LNX1: variants seen among roughly 807,000 people sequenced by gnomAD.
LNX1 encodes the protein E3 ubiquitin-protein ligase LNX.
A neutral mutation model predicts 68.4 loss-of-function variants in LNX1; 54 were observed. The observed-to-expected ratio is 0.79, with a 90% confidence interval of 0.63 to 0.99. The LOEUF is 0.99. Ranked by LOEUF, LNX1 falls within the 50% of genes least tolerant of loss-of-function variation. The pLI is 0.00. For synonymous variants in LNX1, 336 were observed against 350.0 expected (o/e 0.96, Z 0.45); for missense variants, 906 against 926.4 (o/e 0.98, Z 0.29).
chr4:53,492,277 G>C (rs1227926351), intron 6 of LNX1, among the ~76,000 whole-genome samples: 1 of 152,112 alleles, frequency 6.6e-6, no homozygotes, highest in Non-Finnish European at 1.5e-5. Context: ...ATATTTAGAA[G>C]ATTCTTCCAG....
chr4:53,530,222 A>T (rs1042806471), intron 2 of LNX1, among the ~76,000 whole-genome samples: 1 of 152,210 alleles, frequency 6.6e-6, no homozygotes, highest in African/African-American at 2.4e-5. Flanking sequence ...TTTTTAAGTA[A>T]CGTTTTAAAA....
chr4:53,505,135 C>T (rs535843799), intron 4 of LNX1, among the ~76,000 whole-genome samples: 95 of 152,266 alleles, frequency 6.2e-4, no homozygotes, highest in African/African-American at 2.2e-3. Context: ...GAATAAACCC[C>T]TTGATGCCAA....
At position 53,652,018 on chromosome 4, in the gene LNX1, T is replaced by TGAGAGAGA. The variant is rs1423382248; in HGVS notation, c.-215+149_-215+150insTCTCTCTC. ...GACTCTCCTCAATTTGATGTGTGTG[T>TGAGAGAGA]GTGAGAGAGAGAGAGAGAGAGAGAG... On this transcript the variant is annotated intron_variant, in intron 1 of 2. Coordinates refer to the LNX1 transcript ENST00000507168. 251 of 102,340 alleles carry TGAGAGAGA rather than the reference T, an allele frequency of 2.5e-3. 1 individual carries two copies. Among genetic ancestry groups the TGAGAGAGA allele is most frequent in the African/African-American group, 9.2e-3 (225 of 24,590 alleles). The allele number at this position is 102,340 out of a possible 1,614,324, so 6.3% of individuals were successfully genotyped here.
chr4:53,652,144 G>A (rs1220459867), intron 1 of LNX1: 2 of 152,214 alleles, frequency 1.3e-5, no homozygotes, highest in South Asian at 2.1e-4. Flanking sequence ...GATTCTACCT[G>A]GTGGAGGAAC....
chr4:53,563,325 T>C (rs918467285), intron 2 of LNX1, among the ~76,000 whole-genome samples: 13 of 152,194 alleles, frequency 8.5e-5, no homozygotes, highest in Admixed American at 8.5e-4. Flanking sequence ...AAGACTCCCA[T>C]ACAAGCAGCC....
intron 1 of LNX1, among the ~76,000 whole-genome samples, chr4:53,641,854 C>T (rs181429587): frequency 6.6e-6 from 1 of 152,178 alleles, no homozygotes; most frequent in African/African-American, 2.4e-5. Flanking sequence ...TAGGTATCAA[C>T]AGTTCATTCC....
intron 1 of LNX1, chr4:53,575,950 G>A (rs868828470): frequency 6.4e-7 from 1 of 1,564,494 alleles, no homozygotes; most frequent in Non-Finnish European, 8.6e-7. Flanking sequence ...CCTGCCGCAG[G>A]AGTGGCTGGG....
At chr4:53,491,567 CA>C (rs1469196048) in intron 6 of LNX1, among the ~76,000 whole-genome samples, 1 of 152,072 alleles carries the variant, frequency 6.6e-6, no homozygotes, top group Non-Finnish European at 1.5e-5. Flanking sequence ...TTCAAGGAGA[CA>C]AAGAGTAGAT....
chr4:53,582,191 C>G (rs1278189220), intron 1 of LNX1, among the ~76,000 whole-genome samples: 2 of 152,138 alleles, frequency 1.3e-5, no homozygotes, highest in African/African-American at 2.4e-5. Flanking sequence ...GGCCAGCCAG[C>G]TACAATGACA....
rs1425394112 is a variant in LNX1 at position 53,498,783 on chromosome 4, C to T, written c.836G>A (p.Arg279Gln). ...DGEITSIKIN[R>Q]VDPSESLSIR... Reference sequence around the variant, plus strand: ...AGAGAGGCTTTCACTGGGATCTACTCGATTGATCTTGATGCTGGTAATTTC... The same window carrying T: ...AGAGAGGCTTTCACTGGGATCTACTTGATTGATCTTGATGCTGGTAATTTC... The change falls in exon 5 of 11, where the codon CGA becomes CAA. Residue 279 changes from arginine to glutamine, a missense_variant. Physicochemically the swap from Arg to Gln is conservative, Grantham distance 43 (BLOSUM62 1). Coordinates refer to ENST00000263925, the MANE Select transcript of LNX1 (RefSeq NM_001126328.3). 1.1e-5 allele frequency: 18 copies of T among 1,613,948 alleles called. No homozygotes were observed. Among genetic ancestry groups the T allele is most frequent in the South Asian group, 2.2e-5 (2 of 91,076 alleles).
intron 5 of LNX1, among the ~76,000 whole-genome samples, chr4:53,498,049 G>C (rs1044374437): frequency 2.0e-5 from 3 of 152,054 alleles, no homozygotes; most frequent in African/African-American, 7.3e-5. Context: ...CCTTAACCAA[G>C]CCTCTGAGGA....
intron 1 of LNX1, among the ~76,000 whole-genome samples, chr4:53,632,024 C>A (rs531726200): frequency 3.1e-4 from 47 of 152,256 alleles, no homozygotes; most frequent in African/African-American, 1.1e-3. Flanking sequence ...GGCCAAAGCT[C>A]CTGGGTCCGC....
chr4:53,641,513 C>T (rs750322343), intron 1 of LNX1, among the ~76,000 whole-genome samples: 2 of 152,238 alleles, frequency 1.3e-5, no homozygotes, highest in Non-Finnish European at 2.9e-5. Flanking sequence ...GTGGACCTAA[C>T]GACCATGCCT....
chr4:53,632,095 G>A (rs1456663948), intron 1 of LNX1, among the ~76,000 whole-genome samples: 1 of 152,110 alleles, frequency 6.6e-6, no homozygotes, highest in African/African-American at 2.4e-5. Context: ...ATTGAAGGGA[G>A]CAGAATGGTA....
intron 1 of LNX1, among the ~76,000 whole-genome samples, chr4:53,633,060 G>C (rs1221496507): frequency 6.6e-6 from 1 of 152,142 alleles, no homozygotes; most frequent in African/African-American, 2.4e-5. Context: ...GAAATGTCTG[G>C]GTTCAGCCCC....
In LNX1 at chr4:53,481,806, G is replaced by A. The variant is rs377312588; in HGVS notation, c.1399C>T (p.Arg467Trp). 4.0e-5 allele frequency: 65 copies of A among 1,612,928 alleles called. No individual in the cohort carries two copies. The highest frequency in any genetic ancestry group is 5.3e-5 in the Non-Finnish European group (63 of 1,179,424). ...GCTTCCTGAAAGATGTCAGGGCTCC[G>A]CTGCCGAACCTGGCGGGACACGACG... is the stretch of plus-strand genomic sequence containing the variant. ...HLVVSRQVRQ[R>W]SPDIFQEAGW... The change falls in exon 7 of 11, where the codon CGG becomes TGG. Residue 467 changes from arginine (R) to tryptophan (W), a missense_variant. Coordinates refer to ENST00000263925, the MANE Select transcript of LNX1 (RefSeq NM_001126328.3).
intron 2 of LNX1, among the ~76,000 whole-genome samples, chr4:53,567,357 A>C (rs2109758719): frequency 6.7e-6 from 1 of 149,216 alleles, no homozygotes; most frequent in Admixed American, 6.7e-5. Context: ...AAAACCACTC[A>C]ACTACATGGA....
intron 2 of LNX1, among the ~76,000 whole-genome samples, chr4:53,518,335 T>C (rs1000808484): frequency 2.6e-5 from 4 of 152,152 alleles, no homozygotes; most frequent in Non-Finnish European, 5.9e-5. Flanking sequence ...TCTGCACAGT[T>C]CCAATTTCAG....
Position 53,573,788 on chromosome 4 carries a change from T to A in LNX1, c.215A>T (p.Lys72Met). The change falls in exon 2 of 11, where the codon AAG (lysine) becomes ATG (methionine). Residue 72 changes from lysine to methionine, a missense_variant. Physicochemically the swap from Lys to Met is moderately conservative, Grantham distance 95 (BLOSUM62 -1). Transcript: ENST00000263925. ...TLCLTNFLVE[K>M]DFCPMDRKPL... Reference sequence around the variant, plus strand: ...CTTGCGGTCCATGGGACAGAAGTCCTTCTCCACCAGGAAGTTGGTGAGGCA... The same window carrying A: ...CTTGCGGTCCATGGGACAGAAGTCCATCTCCACCAGGAAGTTGGTGAGGCA... The A allele has an allele frequency of 6.2e-7, 1 of 1,612,610 alleles. No individual in the cohort carries two copies. The highest frequency in any genetic ancestry group is 8.5e-7 in the Non-Finnish European group (1 of 1,179,360).
Sources: gnomAD v4.1 joint callset for allele counts (sites outside exome capture counted in the v4.1 genomes callset) on GRCh38, gnomAD v4.1.1 for gene constraint, MANE v1.5 for transcripts, NCBI Gene and HGNC (gene_info 2026-07-23, HGNC 2026-07-21) for gene names.